The following ALG5 variants were observed in gnomAD, a reference collection of about 807,000 sequenced individuals.
ALG5 encodes the protein dolichyl-phosphate beta-glucosyltransferase.
In ALG5, 26 loss-of-function variants were observed where a neutral mutation model predicts 51.8. That is an observed-to-expected ratio of 0.50 (90% CI 0.37 to 0.70). The LOEUF (loss-of-function observed/expected upper bound fraction) is 0.70. Ranked by LOEUF, ALG5 falls within the 30% of genes least tolerant of loss-of-function variation. The pLI is 0.00. For synonymous variants in ALG5, 141 were observed against 136.1 expected (o/e 1.04, Z -0.25); for missense variants, 311 against 399.3 (o/e 0.78, Z 1.88).
chr13:36,982,612 G>A (rs2058984910), intron 6 of ALG5, among the ~76,000 whole-genome samples: 1 of 152,164 alleles, frequency 6.6e-6, no homozygotes, highest in Non-Finnish European at 1.5e-5. Context: ...TCTAACACCT[G>A]AATTACATAA....
intron 6 of ALG5, among the ~76,000 whole-genome samples, chr13:36,972,798 C>T (rs1428848599): frequency 1.3e-5 from 2 of 152,012 alleles, no homozygotes; most frequent in Non-Finnish European, 2.9e-5. Flanking sequence ...CGAGATCATC[C>T]TGGCTAACAC....
chr13:36,998,385 G>C (rs1489564210), intron 1 of ALG5, among the ~76,000 whole-genome samples: 1 of 152,126 alleles, frequency 6.6e-6, no homozygotes, highest in Non-Finnish European at 1.5e-5. Context: ...ACAACCTCTG[G>C]AAAGATGGCA....
At chr13:36,971,639 A>G (rs1436800737) in intron 7 of ALG5, among the ~76,000 whole-genome samples, 2 of 88,738 alleles carry the variant, frequency 2.3e-5, no homozygotes, top group Non-Finnish European at 2.0e-5. Context: ...ACAGAGGGAG[A>G]CTCCGTCTCC....
At chr13:36,953,158 T>C (rs1384986544) in intron 8 of ALG5, among the ~76,000 whole-genome samples, 1 of 152,324 alleles carries the variant, frequency 6.6e-6, no homozygotes, top group African/African-American at 2.4e-5. Flanking sequence ...CTGGCAACTA[T>C]TGAAAGTAAA....
rs2059044553 is a variant in ALG5, at chr13:36,995,408, A to C, written c.238+17T>G. ...TTCCAAACTACCCTTTACCAAAAAA[A>C]TCAAAACAGGGCTTACACCGTTTTT... On this transcript the variant is annotated intron_variant, in intron 2 of 9. Coordinates refer to ENST00000239891, the MANE Select transcript of ALG5 (RefSeq NM_013338.5). 4 of 1,586,730 alleles carry C rather than the reference A, an allele frequency of 2.5e-6. No individual in the cohort carries two copies. Among genetic ancestry groups the C allele is most frequent in the Non-Finnish European group, 3.4e-6 (4 of 1,172,480 alleles).
chr13:36,980,898 C>T (rs1371058112), intron 6 of ALG5, among the ~76,000 whole-genome samples: 1 of 152,014 alleles, frequency 6.6e-6, no homozygotes, highest in Non-Finnish European at 1.5e-5. Context: ...CGCTTAAGCC[C>T]AAGAGGCAGA....
At chr13:36,995,401 C>T (rs1555253186) in intron 2 of ALG5, 24 bp downstream of exon 2, 3 of 1,582,228 alleles carry the variant, frequency 1.9e-6, no homozygotes, top group South Asian at 1.2e-5. Context: ...TACCCTTTAC[C>T]AAAAAAATCA....
intron 6 of ALG5, among the ~76,000 whole-genome samples, chr13:36,973,057 C>G (rs1420652051): frequency 1.4e-5 from 2 of 143,424 alleles, no homozygotes; most frequent in East Asian, 4.1e-4. Flanking sequence ...AATGATTTTT[C>G]ACTGAACTGG....
chr13:36,953,492 T>G (rs1335849616), intron 8 of ALG5, among the ~76,000 whole-genome samples: 3 of 152,220 alleles, frequency 2.0e-5, no homozygotes, highest in Admixed American at 2.0e-4. Context: ...TACTACCTGT[T>G]AAATCTTCTT....
chr13:36,993,795 T>C, intron 3 of ALG5, 123 bp from the exon 4 acceptor site: 2 of 738,548 alleles, frequency 2.7e-6, no homozygotes, highest in Non-Finnish European at 4.6e-6. Flanking sequence ...TGAATATAAA[T>C]ATTAGTGCAC....
At chr13:36,997,466 CAAAAAAA>C (rs57878611) in intron 1 of ALG5, among the ~76,000 whole-genome samples, 1 of 78,128 alleles carries the variant, frequency 1.3e-5, no homozygotes. Context: ...GACTCCGTCT[CAAAAAAA>C]AAAAAAAAAA....
chr13:36,951,439 A>G (rs142058495), intron 9 of ALG5, among the ~76,000 whole-genome samples: 1 of 152,308 alleles, frequency 6.6e-6, no homozygotes, highest in East Asian at 1.9e-4. Context: ...ATTGGTTCTT[A>G]ACCTTTTTCT....
intron 3 of ALG5, among the ~76,000 whole-genome samples, chr13:36,994,754 G>C (rs111737339): frequency 2.5e-4 from 38 of 151,996 alleles, no homozygotes; most frequent in African/African-American, 9.2e-4. Context: ...AAATGGGTAG[G>C]AGGGTACAGA....
chr13:36,996,279 G>C, intron 1 of ALG5, among the ~76,000 whole-genome samples: 1 of 152,052 alleles, frequency 6.6e-6, no homozygotes, highest in Non-Finnish European at 1.5e-5. Context: ...GTTTCTATTG[G>C]TACACTTTCT....
At position 36,952,578 on chromosome 13, in the gene ALG5, C is replaced by T; in HGVS notation, c.795G>A (p.Leu265=). 1 of 1,582,062 alleles carries T rather than the reference C, an allele frequency of 6.3e-7. No homozygotes were observed. Among genetic ancestry groups the T allele is most frequent in the Non-Finnish European group, 8.6e-7 (1 of 1,168,732 alleles). The change falls in exon 9 of 10, where the codon CTG becomes CTA. Residue 265 remains leucine, a synonymous_variant. Coordinates refer to ENST00000239891, the MANE Select transcript of ALG5 (RefSeq NM_013338.5). Reference sequence around the variant, plus strand: ...GAATTTTAAAGAACTGTGCTATGTACAGTAGTTCTACATCAAATGCCCTAA... The same window carrying T: ...GAATTTTAAAGAACTGTGCTATGTATAGTAGTTCTACATCAAATGCCCTAA... ...VERWAFDVEL[L]YIAQFFKIPI...
intron 8 of ALG5, among the ~76,000 whole-genome samples, chr13:36,953,312 C>T (rs947759734): frequency 7.9e-5 from 12 of 152,182 alleles, no homozygotes; most frequent in South Asian, 2.1e-4. Context: ...CTTCCACTTA[C>T]GAAAGGTCTT....
At chr13:36,972,164 G>C in intron 6 of ALG5, 128 bp from the exon 7 acceptor site, 1 of 787,452 alleles carries the variant, frequency 1.3e-6, no homozygotes, top group Non-Finnish European at 2.0e-6. Flanking sequence ...TCTTTTAAAG[G>C]TTTATTGAAA....
intron 4 of ALG5, among the ~76,000 whole-genome samples, chr13:36,991,764 G>T (rs905840217): frequency 6.6e-6 from 1 of 152,154 alleles, no homozygotes; most frequent in Non-Finnish European, 1.5e-5. Context: ...ACGCAGAGAT[G>T]ATTCTTTTTT....
rs189827788 is a variant in ALG5, at chr13:36,979,241, C to T, written c.561+6386G>A. ...CCATGTTGGCCAGGCTGGTCTCAAACGCCTGTCCTCAGGTTCCCAAAGTGC... is the reference window on the plus strand; with the variant it reads ...CCATGTTGGCCAGGCTGGTCTCAAATGCCTGTCCTCAGGTTCCCAAAGTGC... On this transcript the variant is annotated intron_variant, in intron 6 of 9. Transcript: ENST00000239891. 1.4e-3 allele frequency among the ~76,000 whole-genome samples: 215 copies of T among 152,216 alleles called. 5 individuals carry two copies. Among genetic ancestry groups the T allele is most frequent in the Admixed American group, 0.014 (210 of 15,286 alleles).
Sources: allele counts gnomAD v4.1 joint callset (sites outside exome capture counted in the v4.1 genomes callset), GRCh38; gene constraint gnomAD v4.1.1; transcripts MANE v1.5; gene names NCBI Gene and HGNC (gene_info 2026-07-23, HGNC 2026-07-21).